MAX: variants seen among roughly 807,000 people sequenced by gnomAD.
The protein encoded by MAX is MYC associated transcriptional regulator X.
A neutral mutation model predicts 22.3 loss-of-function variants in MAX; 3 were observed. The observed-to-expected ratio is 0.13, with a 90% confidence interval of 0.06 to 0.35. MAX has a LOEUF of 0.35. Among genes scored for constraint, MAX ranks in the 10% least tolerant of loss-of-function variants. The pLI, the probability that MAX is intolerant of heterozygous loss-of-function variation, is 1.00. For missense variants in MAX, 119 were observed against 209.4 expected, an observed-to-expected ratio of 0.57 and a Z score of 2.66; for synonymous variants, 72 against 77.7, an observed-to-expected ratio of 0.93 and a Z score of 0.39.
Position 65,054,979 on chromosome 14 carries a change from A to G in MAX, c.171+38729T>C. Among the ~76,000 whole-genome samples the G allele has an allele frequency of 1.3e-5, 2 of 152,300 alleles. No homozygotes were observed. The highest frequency in any genetic ancestry group is 4.1e-4 in the South Asian group (2 of 4,822). On this transcript the variant is annotated intron_variant, in intron 3 of 3. Transcript: ENST00000341653. The surrounding 1 kb of genome is among the most constrained non-coding windows in gnomAD (Gnocchi z 4.4). Reference sequence around the variant, plus strand: ...TGCTGGTATTAGCTTCCCCTAGAGGAGGCCACAGTTACGTGTCACTCTGAG... The same window carrying G: ...TGCTGGTATTAGCTTCCCCTAGAGGGGGCCACAGTTACGTGTCACTCTGAG...
intron 3 of MAX, among the ~76,000 whole-genome samples, chr14:65,033,417 A>G (rs2062124340): frequency 1.3e-5 from 2 of 152,248 alleles, no homozygotes; most frequent in South Asian, 2.1e-4. Flanking sequence ...GAAATGAGAT[A>G]AGTCTGCATA....
chr14:65,088,717 A>G lies in MAX; in HGVS notation c.171+4991T>C, dbSNP rs569261946. 2.0e-5 allele frequency among the ~76,000 whole-genome samples: 3 copies of G among 152,338 alleles called. No homozygotes were observed. In the East Asian group the frequency reaches 5.8e-4, roughly 29 times the overall value. ...TACTATGTGCAGGCACTGAGGGAAGAAATATAACCAAAAGGAGACATTCTC... is the reference window on the plus strand; with the variant it reads ...TACTATGTGCAGGCACTGAGGGAAGGAATATAACCAAAAGGAGACATTCTC... On this transcript the variant is annotated intron_variant, in intron 3 of 4. Transcript: ENST00000358664. The surrounding 1 kb of genome is among the most constrained non-coding windows in gnomAD (Gnocchi z 5.2).
rs373048438 is a variant in MAX, at chr14:65,067,841, CA to C, written c.171+25866del. Among the ~76,000 whole-genome samples, 403 of 150,678 alleles carry C rather than the reference CA, an allele frequency of 2.7e-3. 1 individual carries two copies. The highest frequency in any genetic ancestry group is 9.5e-3 in the African/African-American group (389 of 40,826). On this transcript the variant is annotated intron_variant, in intron 3 of 3. Transcript: ENST00000341653. ...AGAGGCAGGCTCTTGCTATGTTGCC[CA>C]GGCTGGTCTTGAACTGCTAGACTTA...
chr14:65,083,621 A>G (rs2063251118), intron 3 of MAX: 3 of 585,758 alleles, frequency 5.1e-6, no homozygotes, highest in African/African-American at 2.0e-5. Flanking sequence ...TCTTAACTCT[A>G]CTGAACACTT....
In MAX at chr14:65,011,948, A is replaced by G. The variant is rs1244119523; in HGVS notation, c.172-5664T>C. 1.3e-5 allele frequency among the ~76,000 whole-genome samples: 2 copies of G among 152,208 alleles called. No individual in the cohort carries two copies. Among genetic ancestry groups the G allele is most frequent in the Admixed American group, 1.3e-4 (2 of 15,282 alleles). On this transcript the variant is annotated intron_variant, in intron 3 of 3. Transcript: ENST00000341653. The surrounding 1 kb of genome is among the most constrained non-coding windows in gnomAD (Gnocchi z 4.0). Reference sequence around the variant, plus strand: ...CGAGGCTCAGATTTAAATTGCTTATAGGATGGGGAGGCACAAAGATATCTG... The same window carrying G: ...CGAGGCTCAGATTTAAATTGCTTATGGGATGGGGAGGCACAAAGATATCTG...
At chr14:65,050,838 G>A (rs542329957) in intron 3 of MAX, among the ~76,000 whole-genome samples, 6 of 152,246 alleles carry the variant, frequency 3.9e-5, no homozygotes, top group Non-Finnish European at 8.8e-5. Flanking sequence ...TAATTCCACC[G>A]TGGTCAGTCT....
At chr14:65,081,305 C>T (rs2063193377) in intron 3 of MAX, among the ~76,000 whole-genome samples, 1 of 152,132 alleles carries the variant, frequency 6.6e-6, no homozygotes, top group Non-Finnish European at 1.5e-5. Context: ...GCACAAAATA[C>T]AGAAATACCC....
Position 65,014,407 on chromosome 14 carries a change from C to A in MAX, c.172-8123G>T, listed in dbSNP as rs1298393282. Among the ~76,000 whole-genome samples the A allele has an allele frequency of 6.6e-6, 1 of 152,164 alleles. No homozygotes were observed. Among genetic ancestry groups the A allele is most frequent in the African/African-American group, 2.4e-5 (1 of 41,422 alleles). On this transcript the variant is annotated intron_variant, in intron 3 of 3. Coordinates refer to the MAX transcript ENST00000341653. The surrounding 1 kb of genome is among the most constrained non-coding windows in gnomAD (Gnocchi z 5.1). The stretch of plus-strand genomic sequence containing the variant: ...GTTTTCGTCCATTACAGCATTTCTC[C>A]AGGTATATGTACACGTGTTGGTTCC...
Position 65,047,117 on chromosome 14 carries a change from T to C in MAX, c.172-40833A>G, listed in dbSNP as rs55771504. ...GAGGTCCCAGTGAAAGAACTGTCCT[T>C]CTTACTTTTTCTACTACAACTGCCA... is the stretch of plus-strand genomic sequence containing the variant. On this transcript the variant is annotated intron_variant, in intron 3 of 3. Coordinates refer to the MAX transcript ENST00000341653. The surrounding 1 kb of genome is among the most constrained non-coding windows in gnomAD (Gnocchi z 5.2). Among the ~76,000 whole-genome samples, 15,191 of 152,198 alleles carry C rather than the reference T, an allele frequency of 0.1. 1,001 individuals carry two copies. The highest frequency in any genetic ancestry group is 0.17 in the Admixed American group (2,607 of 15,292).
intron 3 of MAX, among the ~76,000 whole-genome samples, chr14:65,018,495 G>A (rs1435882726): frequency 2.0e-5 from 3 of 152,142 alleles, no homozygotes; most frequent in African/African-American, 4.8e-5. Flanking sequence ...ATTTCTGGAC[G>A]ATGGGGTTAA....
At chr14:65,098,180 A>G (rs2063722762) in intron 2 of MAX, among the ~76,000 whole-genome samples, 1 of 152,112 alleles carries the variant, frequency 6.6e-6, no homozygotes, top group African/African-American at 2.4e-5. Context: ...TTAGGAACTA[A>G]CTCTGGCATT....
Position 65,076,256 on chromosome 14 carries a change from C to T in MAX, c.*220G>A, listed in dbSNP as rs2063052354. ...AAATTCCTGTTGGGGACAGGGAATC[C>T]CTGAAGGGAATACATTAAAAAATAT... On this transcript the variant is annotated 3_prime_UTR_variant, in exon 5 of 5. Transcript: ENST00000358664. This position sits in a 1 kb window ranked among gnomAD's most constrained non-coding sequence, Gnocchi z 6.6. 1.4e-6 allele frequency: 2 copies of T among 1,430,940 alleles called. No individual in the cohort carries two copies. Among genetic ancestry groups the T allele is most frequent in the Admixed American group, 5.7e-5 (2 of 34,950 alleles). The allele number at this position is 1,430,940 out of a possible 1,614,324, so 88.6% of individuals were successfully genotyped here. A position where few individuals can be genotyped will look rare whatever the true frequency, so the allele number is the denominator to read the frequency against.
Position 65,012,421 on chromosome 14 carries a change from A to T in MAX, c.172-6137T>A, listed in dbSNP as rs1443585552. Reference sequence around the variant, plus strand: ...ACATTACCCAGGAACTCTTGCTGTCAAATTATCCACCAAATCCTCCTCCTT... The same window carrying T: ...ACATTACCCAGGAACTCTTGCTGTCTAATTATCCACCAAATCCTCCTCCTT... On this transcript the variant is annotated intron_variant, in intron 3 of 3. Transcript: ENST00000341653. The surrounding 1 kb of genome is among the most constrained non-coding windows in gnomAD (Gnocchi z 5.0). 4.3e-6 allele frequency: 7 copies of T among 1,613,402 alleles called. No homozygotes were observed. In the African/African-American group the frequency reaches 6.7e-5, roughly 15 times the overall value.
rs185306778 is a variant in MAX, at chr14:65,012,787, C to T, written c.172-6503G>A. On this transcript the variant is annotated intron_variant, in intron 3 of 3. Transcript: ENST00000341653. The surrounding 1 kb of genome is among the most constrained non-coding windows in gnomAD (Gnocchi z 5.0). ...TTGTCCAAACCTGTTAAGTCTGTAT[C>T]GTGATGGTTACAAATTTTCCAACTT... 2.8e-4 allele frequency among the ~76,000 whole-genome samples: 43 copies of T among 152,284 alleles called. No individual in the cohort carries two copies. Among genetic ancestry groups the T allele is most frequent in the Non-Finnish European group, 3.2e-4 (22 of 68,030 alleles).
downstream of MAX, chr14:65,075,052 G>A (rs531892979): frequency 8.9e-6 from 9 of 1,009,382 alleles, no homozygotes; most frequent in African/African-American, 1.0e-4. The surrounding 1 kb of genome is among the most constrained non-coding windows in gnomAD (Gnocchi z 4.1). Context: ...TTACATTGAG[G>A]CCCTAACAGC....
intron 3 of MAX, among the ~76,000 whole-genome samples, chr14:65,060,997 A>G (rs1361745743): frequency 2.6e-5 from 4 of 151,770 alleles, no homozygotes; most frequent in Non-Finnish European, 5.9e-5. Flanking sequence ...ATGGCTGTAT[A>G]TTAACCTGTG....
chr14:65,094,120 C>G (rs1328379344), intron 2 of MAX: 2 of 387,900 alleles, frequency 5.2e-6, no homozygotes, highest in Admixed American at 7.3e-5. Context: ...AGTGGTCCCC[C>G]CCAACTTGCT....
chr14:65,068,203 G>A (rs1171316263), intron 3 of MAX, among the ~76,000 whole-genome samples: 1 of 152,140 alleles, frequency 6.6e-6, no homozygotes, highest in Non-Finnish European at 1.5e-5. Flanking sequence ...GGCAGGCTGA[G>A]GCAGGTGGAT....
At chr14:65,063,659 G>C (rs1239564424) in intron 3 of MAX, among the ~76,000 whole-genome samples, 1 of 152,120 alleles carries the variant, frequency 6.6e-6, no homozygotes, top group Admixed American at 6.5e-5. Flanking sequence ...CGACCTCCTG[G>C]GCTCAGAAGA....
Sources: allele counts gnomAD v4.1 joint callset (sites outside exome capture counted in the v4.1 genomes callset), GRCh38; gene constraint gnomAD v4.1.1; non-coding constraint Gnocchi (gnomAD v3.1); transcripts MANE v1.5; gene names NCBI Gene and HGNC (gene_info 2026-07-23, HGNC 2026-07-21).